The following TLK2 variants were observed in gnomAD, a reference collection of about 807,000 sequenced individuals.
The protein encoded by TLK2 is serine/threonine-protein kinase tousled-like 2.
A neutral mutation model predicts 117.3 loss-of-function variants in TLK2; 6 were observed. The ratio of observed to expected loss-of-function variants is 0.05; its 90% CI spans 0.03 to 0.10. TLK2 has a LOEUF of 0.10. Among genes scored for constraint, TLK2 ranks in the 10% least tolerant of loss-of-function variants. The pLI is 1.00. For missense variants in TLK2, 299 were observed against 901.2 expected (o/e 0.33, Z 8.56); for synonymous variants, 257 against 316.7 (o/e 0.81, Z 2.00).
intron 5 of TLK2, 127 bp downstream of exon 5, chr17:62,523,304 C>A: frequency 2.3e-6 from 3 of 1,285,814 alleles, no homozygotes; most frequent in Non-Finnish European, 3.1e-6. Context: ...TTTGGCCAGG[C>A]GAGGTGGCTT....
At chr17:62,480,189 A>G (rs920458851) in intron 1 of TLK2, among the ~76,000 whole-genome samples, 2 of 152,272 alleles carry the variant, frequency 1.3e-5, no homozygotes, top group Non-Finnish European at 2.9e-5. Context: ...TCATCTTTTC[A>G]GTAACTTTAA....
At chr17:62,527,963 G>A (rs2076489409) in intron 6 of TLK2, among the ~76,000 whole-genome samples, 2 of 152,158 alleles carry the variant, frequency 1.3e-5, no homozygotes, top group East Asian at 1.9e-4. Flanking sequence ...GGATGGTCTC[G>A]ATCTCTTGAC....
At chr17:62,505,576 TC>T (rs1362505344) in intron 2 of TLK2, among the ~76,000 whole-genome samples, 1 of 151,842 alleles carries the variant, frequency 6.6e-6, no homozygotes, top group Non-Finnish European at 1.5e-5. Context: ...GTTTTTTTCT[TC>T]TTCTTTTATT....
chr17:62,476,631 C>G (rs1271079445), upstream of TLK2, among the ~76,000 whole-genome samples: 3 of 151,216 alleles, frequency 2.0e-5, no homozygotes. Context: ...TAGCCCAAAT[C>G]CCTCCATCAC....
chr17:62,594,848 G>A (rs151263260), intron 16 of TLK2, among the ~76,000 whole-genome samples: 209 of 151,666 alleles, frequency 1.4e-3, no homozygotes, highest in African/African-American at 4.7e-3. Flanking sequence ...TGGGTATGCC[G>A]GTGAACCCAA....
chr17:62,609,727 C>T (rs767709233), intron 21 of TLK2, among the ~76,000 whole-genome samples: 1 of 152,220 alleles, frequency 6.6e-6, no homozygotes, highest in Non-Finnish European at 1.5e-5. Context: ...GTCAGCTCTA[C>T]ACTCAGTAGT....
intron 13 of TLK2, among the ~76,000 whole-genome samples, chr17:62,578,067 A>T (rs2080942214): frequency 6.6e-6 from 1 of 152,198 alleles, no homozygotes; most frequent in African/African-American, 2.4e-5. Flanking sequence ...AAATAAGTAG[A>T]ACTTAAGTCA....
intron 15 of TLK2, among the ~76,000 whole-genome samples, chr17:62,584,883 G>A (rs2081497563): frequency 6.6e-6 from 1 of 152,122 alleles, no homozygotes; most frequent in Non-Finnish European, 1.5e-5. Context: ...TGCACTTGTT[G>A]CCTTCATTTA....
chr17:62,482,224 C>G (rs1307292295), intron 2 of TLK2, among the ~76,000 whole-genome samples: 10 of 152,138 alleles, frequency 6.6e-5, no homozygotes, highest in African/African-American at 1.9e-4. Flanking sequence ...GCTGGGATCA[C>G]AGGCAGGAGC....
intron 14 of TLK2, among the ~76,000 whole-genome samples, chr17:62,579,677 A>T (rs1473573860): frequency 6.6e-6 from 1 of 152,230 alleles, no homozygotes; most frequent in Non-Finnish European, 1.5e-5. Flanking sequence ...ACTCACTTTA[A>T]AATCAAATCT....
chr17:62,524,291 C>T lies in TLK2; in HGVS notation c.323C>T (p.Ala108Val), dbSNP rs1280831910. Residue 108 changes from alanine to valine, a missense_variant, in exon 6 of 22, where the codon GCA becomes GTA. Physicochemically the swap from Ala to Val is moderately conservative, Grantham distance 64. Around this residue, in one of 4 missense-constraint regions of TLK2, gnomAD observed 105 missense variants for 218.4 expected, o/e 0.48. Coordinates refer to ENST00000346027, the MANE Select transcript of TLK2 (RefSeq NM_006852.6). ...CCTGGCAGAAGTGTTCCACCAGTTG[C>T]ACGATCCTCACCGCAACATTCCTTA... Reference protein sequence around the residue: ...TSPGRSVPPVARSSPQHSLSN... With the variant: ...TSPGRSVPPVVRSSPQHSLSN... 1.2e-6 allele frequency: 2 copies of T among 1,613,704 alleles called. No homozygotes were observed. The highest frequency in any genetic ancestry group is 1.3e-5 in the African/African-American group (1 of 74,878).
intron 7 of TLK2, among the ~76,000 whole-genome samples, chr17:62,551,420 G>A (rs2465414): frequency 0.36 from 54,099 of 151,934 alleles, 9,757 homozygotes; most frequent in Admixed American, 0.4. Context: ...AAAAAGTACT[G>A]TTAGGCTAGG....
intron 14 of TLK2, among the ~76,000 whole-genome samples, 188 bp downstream of exon 14, chr17:62,578,762 A>G (rs144025976): frequency 8.5e-5 from 13 of 152,346 alleles, no homozygotes; most frequent in Admixed American, 7.2e-4. Context: ...TAAATATACA[A>G]TTGTATTAAA....
At position 62,604,781 on chromosome 17, in the gene TLK2, C is replaced by T. The variant is rs147628191; in HGVS notation, c.1860-1349C>T. Among the ~76,000 whole-genome samples the T allele has an allele frequency of 3.2e-4, 49 of 151,432 alleles. No individual in the cohort carries two copies. In the South Asian group the frequency reaches 5.0e-3, roughly 16 times the overall value. On this transcript the variant is annotated intron_variant, in intron 19 of 21. Transcript: ENST00000346027. ...AAAATTAGCTGGGCGTGGTGGTGCA[C>T]GCCTGAAATCCCAGCTATTCGGAGG...
chr17:62,571,589 C>T (rs967281189), intron 11 of TLK2, among the ~76,000 whole-genome samples: 1 of 152,140 alleles, frequency 6.6e-6, no homozygotes, highest in African/African-American at 2.4e-5. Context: ...TTTTGCTGTT[C>T]GATTGATGTC....
At position 62,536,329 on chromosome 17, in the gene TLK2, T is replaced by G. The variant is rs2145841879; in HGVS notation, c.523T>G (p.Phe175Val). ...AAGGGGAGCTGGCCTCTGCTTCACT[T>G]TTGTTTCAGTGAGTACAAAGCCTAA... ...AQRGAGLCFT[F>V]VSAQQNSPSS... The change falls in exon 7 of 22, where the codon TTT becomes GTT. Residue 175 changes from phenylalanine to valine, a missense_variant. This residue lies in a region of TLK2 where 105 missense variants were observed against 218.4 expected (regional missense o/e 0.48). Coordinates refer to ENST00000346027, the MANE Select transcript of TLK2 (RefSeq NM_006852.6). 2 of 1,612,150 alleles carry G rather than the reference T, an allele frequency of 1.2e-6. No homozygotes were observed. The highest frequency in any genetic ancestry group is 1.3e-5 in the African/African-American group (1 of 75,014).
At chr17:62,580,071 T>A (rs893221860) in intron 14 of TLK2, 40 bp from the exon 15 acceptor site, 6 of 1,561,272 alleles carry the variant, frequency 3.8e-6, no homozygotes, top group Non-Finnish European at 5.3e-6. Flanking sequence ...AAGACTGTAG[T>A]CCATGATCTC....
At position 62,578,518 on chromosome 17, in the gene TLK2, G is replaced by T. The variant is rs768121306; in HGVS notation, c.1230G>T (p.Arg410Ser). The stretch of plus-strand genomic sequence containing the variant: ...AGGCAGAGCTGGAGAGACTAGAAAG[G>T]GTTAGAAATCTACATATCAGGGAAC... ...EIQAELERLERVRNLHIRELK... is the reference protein window; with the variant it reads ...EIQAELERLESVRNLHIRELK... Residue 410 changes from arginine to serine, a missense_variant, in exon 14 of 22, where the codon AGG becomes AGT. Physicochemically the swap from Arg to Ser is moderately radical, Grantham distance 110. Around this residue, in one of 4 missense-constraint regions of TLK2, gnomAD observed 94 missense variants for 282.6 expected, o/e 0.33. Transcript: ENST00000346027. 1.2e-6 allele frequency: 2 copies of T among 1,613,780 alleles called. No individual in the cohort carries two copies. The highest frequency in any genetic ancestry group is 3.3e-5 in the Admixed American group (2 of 59,986).
chr17:62,587,346 G>A, intron 16 of TLK2, among the ~76,000 whole-genome samples: 1 of 152,214 alleles, frequency 6.6e-6, no homozygotes, highest in South Asian at 2.1e-4. Flanking sequence ...CCCTTGAAAG[G>A]AGGGGACAGG....
Sources: allele counts gnomAD v4.1 joint callset (sites outside exome capture counted in the v4.1 genomes callset), GRCh38; gene constraint gnomAD v4.1.1; regional missense constraint gnomAD v4.1.1; transcripts MANE v1.5; gene names NCBI Gene and HGNC (gene_info 2026-07-23, HGNC 2026-07-21).